The following AMOT variants were observed in gnomAD, a reference collection of about 807,000 sequenced individuals.
AMOT encodes angiomotin.
AMOT carries 11 observed loss-of-function variants against 67.0 expected under a neutral mutation model. The observed-to-expected ratio is 0.16, with a 90% CI of 0.10 to 0.27. AMOT has a LOEUF of 0.27. Ranked by LOEUF, AMOT falls within the 10% of genes least tolerant of loss-of-function variation. The probability of loss-of-function intolerance (pLI) is 1.00; values close to 1 mark genes in which losing one functional copy is unlikely to be tolerated. For synonymous variants in AMOT, 326 were observed against 321.4 expected, an observed-to-expected ratio of 1.01 and a Z score of -0.15; for missense variants, 753 against 852.0, an observed-to-expected ratio of 0.88 and a Z score of 1.45.
intron 5 of AMOT, among the ~76,000 whole-genome samples, chrX:112,812,174 G>C (rs1040947176): frequency 8.9e-6 from 1 of 111,742 alleles, no homozygotes; most frequent in Non-Finnish European, 1.9e-5. Flanking sequence ...GAGAAGAGGT[G>C]GCATTTACAG....
chrX:112,822,962 C>A lies in AMOT; in HGVS notation c.165G>T (p.Pro55=), dbSNP rs770362839. 3 of 1,165,588 alleles carry A rather than the reference C, an allele frequency of 2.6e-6. No individual in the cohort carries two copies. In the African/African-American group the frequency reaches 5.4e-5, roughly 21 times the overall value. Residue 55 remains proline, a synonymous_variant, in exon 4 of 14, where the codon CCG becomes CCT. Transcript: ENST00000371959. ...GACTCAACACATCACTCTGAGGGCC[C>A]GGGTTCCCACTGCCACTGGGGAAAG... ...GPPFPSGSGN[P]GPQSDVLSPQ...
chrX:112,778,857 A>T, intron 13 of AMOT, 140 bp downstream of exon 13: 1 of 747,890 alleles, frequency 1.3e-6, no homozygotes, highest in Non-Finnish European at 2.0e-6. Flanking sequence ...GAAGTCATTT[A>T]CAGACTCTCT....
chrX:112,781,272 T>G (rs1933157045), intron 11 of AMOT, among the ~76,000 whole-genome samples, 154 bp from the exon 12 acceptor site: 1 of 110,262 alleles, frequency 9.1e-6, no homozygotes, highest in African/African-American at 3.3e-5. Flanking sequence ...AAACCCTGTC[T>G]CTACTAAAAA....
rs759998526 is a variant in AMOT, at chrX:112,791,901, T to C, written c.1857A>G (p.Lys619=). 7 of 1,210,330 alleles carry C rather than the reference T, an allele frequency of 5.8e-6. No homozygotes were observed. In the East Asian group the frequency reaches 2.1e-4, roughly 36 times the overall value. Residue 619 remains lysine, a synonymous_variant, in exon 9 of 14, where the codon AAA becomes AAG. Transcript: ENST00000371959. The part of the protein sequence containing the change: ...ALVQLQAACE[K]REQLEHRLRT... ...GGAGACGGTGCTCTAGCTGCTCACG[T>C]TTTTCACATGCTGCCTGGAGCTGTA... is the stretch of plus-strand genomic sequence containing the variant.
At chrX:112,818,680 G>A (rs911864554) in intron 4 of AMOT, among the ~76,000 whole-genome samples, 1 of 111,584 alleles carries the variant, frequency 9.0e-6, no homozygotes, top group African/African-American at 3.3e-5. Context: ...AAGGAATGAC[G>A]GGGTAAGGGA....
At chrX:112,821,195 T>C (rs1014819613) in intron 4 of AMOT, among the ~76,000 whole-genome samples, 40 of 110,828 alleles carry the variant, frequency 3.6e-4, no homozygotes, top group African/African-American at 1.1e-3. Flanking sequence ...GACAAAGAGG[T>C]AGACATCAAA....
At position 112,809,985 on chromosome X, in the gene AMOT, C is replaced by G; in HGVS notation, c.1539G>C (p.Glu513Asp). 1 of 1,206,394 alleles carries G rather than the reference C, an allele frequency of 8.3e-7. No homozygotes were observed. Among genetic ancestry groups the G allele is most frequent in the Non-Finnish European group, 1.1e-6 (1 of 891,500 alleles). ...GCTGCTTGTTGGCAGTCTCTAGACG[C>G]TCTGTGAAATTTGGAGACAATCAAC... ...RMHDFNRDLR[E>D]RLETANKQLA... Residue 513 changes from glutamate (E) to aspartate (D), a missense_variant and splice_region_variant, in exon 7 of 14, where the codon GAG (glutamate) becomes GAC (aspartate). Transcript: ENST00000371959.
chrX:112,822,953 C>G lies in AMOT; in HGVS notation c.174G>C (p.Gln58His). 1.5e-5 allele frequency: 18 copies of G among 1,167,880 alleles called. No individual in the cohort carries two copies. Among genetic ancestry groups the G allele is most frequent in the Non-Finnish European group, 2.1e-5 (18 of 873,120 alleles). ...FPSGSGNPGP[Q>H]SDVLSPQDHH... The stretch of plus-strand genomic sequence containing the variant: ...GGTCTTGGGGACTCAACACATCACT[C>G]TGAGGGCCCGGGTTCCCACTGCCAC... Residue 58 changes from glutamine to histidine, a missense_variant, in exon 4 of 14, where the codon CAG becomes CAC. Gln to His is a conservative substitution (Grantham distance 24). Around this residue, in one of 5 missense-constraint regions of AMOT, gnomAD observed 118 missense variants for 125.9 expected, o/e 0.94. Coordinates refer to ENST00000371959, the MANE Select transcript of AMOT (RefSeq NM_001113490.2).
intron 5 of AMOT, 113 bp downstream of exon 5, chrX:112,815,245 A>C: frequency 3.0e-6 from 3 of 994,967 alleles, no homozygotes; most frequent in Non-Finnish European, 4.1e-6. Flanking sequence ...AAAATCCTGA[A>C]GACCTGCCAC....
chrX:112,815,912 C>A, intron 4 of AMOT, 35 bp from the exon 5 acceptor site: 1 of 1,148,651 alleles, frequency 8.7e-7, no homozygotes, highest in Non-Finnish European at 1.2e-6. Context: ...GGGTTAATTT[C>A]TCTCCTAAGG....
chrX:112,811,902 C>T (rs1001532068), intron 5 of AMOT, among the ~76,000 whole-genome samples: 1 of 111,311 alleles, frequency 9.0e-6, no homozygotes, highest in African/African-American at 3.3e-5. Flanking sequence ...ACCCTAAAAA[C>T]CCCAAGCTTC....
At chrX:112,803,647 C>A (rs1372826436) in intron 8 of AMOT, among the ~76,000 whole-genome samples, 1 of 111,669 alleles carries the variant, frequency 9.0e-6, no homozygotes, top group East Asian at 2.8e-4. Context: ...GAATTTACAG[C>A]CCAACTCCAA....
chrX:112,823,714 T>G (rs984316334), intron 3 of AMOT, among the ~76,000 whole-genome samples: 3 of 112,158 alleles, frequency 2.7e-5, no homozygotes, highest in Admixed American at 1.9e-4. Context: ...ACAGTAATGA[T>G]CCCTGCCTCG....
At chrX:112,790,569 T>C in intron 10 of AMOT, 23 bp downstream of exon 10, 12 of 1,168,565 alleles carry the variant, frequency 1.0e-5, no homozygotes, top group Non-Finnish European at 1.3e-5. Flanking sequence ...TTCCCACTCA[T>C]GCCCTACCAG....
chrX:112,810,027 A>G (rs1934309476), intron 6 of AMOT, 41 bp from the exon 7 acceptor site: 3 of 1,054,780 alleles, frequency 2.8e-6, no homozygotes. Flanking sequence ...TCAAATGTAA[A>G]CTTTCATGCA....
intron 7 of AMOT, among the ~76,000 whole-genome samples, chrX:112,806,351 TATAAAAC>T (rs751437645): frequency 0.093 from 9,404 of 101,543 alleles, 433 homozygotes; most frequent in Admixed American, 0.19. Context: ...TATACATATG[TATAAAAC>T]GTGTGTGTAT....
chrX:112,792,033 A>G, intron 8 of AMOT, 52 bp from the exon 9 acceptor site: 1 of 1,183,110 alleles, frequency 8.5e-7, no homozygotes, highest in Non-Finnish European at 1.1e-6. Context: ...ACAGCAAGCA[A>G]CAGGGTCAAT....
intron 8 of AMOT, among the ~76,000 whole-genome samples, chrX:112,802,577 C>T (rs1934050020): frequency 8.9e-6 from 1 of 112,418 alleles, no homozygotes; most frequent in Non-Finnish European, 1.9e-5. Flanking sequence ...AAGGTTTCAC[C>T]TCCTTTAGCA....
chrX:112,778,937 A>G, intron 13 of AMOT, 60 bp downstream of exon 13: 1 of 1,073,479 alleles, frequency 9.3e-7, no homozygotes, highest in Non-Finnish European at 1.3e-6. Flanking sequence ...ACAACAAGAA[A>G]TAAATCTGTA....
Sources: allele counts gnomAD v4.1 joint callset (sites outside exome capture counted in the v4.1 genomes callset), GRCh38; gene constraint gnomAD v4.1.1; regional missense constraint gnomAD v4.1.1; transcripts MANE v1.5; gene names NCBI Gene and HGNC (gene_info 2026-07-23, HGNC 2026-07-21).